GRHL2: variants seen among roughly 807,000 people sequenced by gnomAD.
The protein encoded by GRHL2 is grainyhead-like protein 2 homolog.
A neutral mutation model predicts 83.8 loss-of-function variants in GRHL2; 21 were observed. The ratio of observed to expected loss-of-function variants is 0.25; its 90% CI spans 0.18 to 0.36. GRHL2 has a LOEUF of 0.36. Among genes scored for constraint, GRHL2 ranks in the 10% least tolerant of loss-of-function variants. The probability of loss-of-function intolerance (pLI) is 1.00; values close to 1 mark genes in which losing one functional copy is unlikely to be tolerated. For synonymous variants in GRHL2, 280 were observed against 278.9 expected (o/e 1.00, Z -0.04); for missense variants, 623 against 781.8 (o/e 0.80, Z 2.42).
At chr8:101,626,906 G>A (rs1813093022) in intron 9 of GRHL2, among the ~76,000 whole-genome samples, 3 of 152,006 alleles carry the variant, frequency 2.0e-5, no homozygotes, top group African/African-American at 7.2e-5. Flanking sequence ...GCTTCCCGGG[G>A]TCACTGTGAA....
chr8:101,492,637 A>T lies in GRHL2; in HGVS notation c.-133A>T, dbSNP rs759310397. The T allele has an allele frequency of 1.2e-6, 1 of 800,970 alleles. No individual in the cohort carries two copies. The allele number at this position is 800,970 out of a possible 1,614,324, so 49.6% of individuals were successfully genotyped here. On this transcript the variant is annotated 5_prime_UTR_variant, in exon 1 of 16. The change creates a new upstream start codon in the 5' untranslated region. Coordinates refer to ENST00000646743, the MANE Select transcript of GRHL2 (RefSeq NM_024915.4). ...CGAGAGTGGTGAGGGGGGACGGAAA[A>T]GCAGAATTACCTGTAGCTCTTGTTC...
chr8:101,527,095 C>A (rs1158440580), intron 1 of GRHL2, among the ~76,000 whole-genome samples: 1 of 152,152 alleles, frequency 6.6e-6, no homozygotes, highest in Non-Finnish European at 1.5e-5. Flanking sequence ...GGGAATAAGG[C>A]ACATATATCT....
chr8:101,678,361 T>G, the GRHL2 span, among the ~76,000 whole-genome samples: 1 of 152,092 alleles, frequency 6.6e-6, no homozygotes, highest in African/African-American at 2.4e-5. Context: ...ACCCGAATAC[T>G]GCGCTTTTCC....
intron 7 of GRHL2, among the ~76,000 whole-genome samples, chr8:101,588,942 G>C (rs1262081406): frequency 3.3e-5 from 5 of 152,140 alleles, no homozygotes; most frequent in Admixed American, 2.6e-4. Context: ...AAGTGTTATA[G>C]TTTCTGGATA....
chr8:101,566,144 T>C (rs1811712285), intron 4 of GRHL2, among the ~76,000 whole-genome samples: 1 of 152,206 alleles, frequency 6.6e-6, no homozygotes, highest in Non-Finnish European at 1.5e-5. Context: ...ATTATGTTTA[T>C]CTTAAACATA....
At chr8:101,580,844 C>T (rs1366679860) in intron 7 of GRHL2, among the ~76,000 whole-genome samples, 1 of 152,116 alleles carries the variant, frequency 6.6e-6, no homozygotes, top group Non-Finnish European at 1.5e-5. Flanking sequence ...GCTGGGGCTA[C>T]AGGCACACGC....
chr8:101,677,440 C>A, the GRHL2 span, among the ~76,000 whole-genome samples: 1 of 152,012 alleles, frequency 6.6e-6, no homozygotes, highest in South Asian at 2.1e-4. Context: ...CGCCTACCTC[C>A]AAGATTGTAT....
chr8:101,648,741 T>C (rs916119186), intron 13 of GRHL2, among the ~76,000 whole-genome samples: 2 of 152,148 alleles, frequency 1.3e-5, no homozygotes, highest in African/African-American at 4.8e-5. Context: ...GCCTGGAGTT[T>C]GCTCTCCCTC....
intron 8 of GRHL2, among the ~76,000 whole-genome samples, chr8:101,614,715 A>G (rs1156843958): frequency 6.6e-6 from 1 of 152,216 alleles, no homozygotes; most frequent in Non-Finnish European, 1.5e-5. Flanking sequence ...GAGCTGAGAC[A>G]TGGTTGGGTT....
In GRHL2 at chr8:101,638,169, G is replaced by A. The variant is rs115155909; in HGVS notation, c.1517+1241G>A. ...TTAGATGTTTTTTCTTCAAACTACAGTCAAACCAGGGCTTCCCTATTCTTA... is the reference window on the plus strand; with the variant it reads ...TTAGATGTTTTTTCTTCAAACTACAATCAAACCAGGGCTTCCCTATTCTTA... On this transcript the variant is annotated intron_variant, in intron 12 of 15. Coordinates refer to ENST00000646743, the MANE Select transcript of GRHL2 (RefSeq NM_024915.4). 4.2e-3 allele frequency among the ~76,000 whole-genome samples: 639 copies of A among 152,206 alleles called. 4 individuals carry two copies. Among genetic ancestry groups the A allele is most frequent in the African/African-American group, 0.014 (594 of 41,524 alleles).
At chr8:101,604,927 G>A (rs976663036) in intron 8 of GRHL2, among the ~76,000 whole-genome samples, 1 of 152,192 alleles carries the variant, frequency 6.6e-6, no homozygotes, top group African/African-American at 2.4e-5. Context: ...TCTGCTTTCA[G>A]AAGCAGACTG....
At chr8:101,636,778 A>G (rs1765653294) in intron 11 of GRHL2, 119 bp from the exon 12 acceptor site, 1 of 800,874 alleles carries the variant, frequency 1.2e-6, no homozygotes, top group Non-Finnish European at 2.2e-6. Flanking sequence ...GTTATTAAAC[A>G]GATTAGTCTT....
chr8:101,550,087 T>G (rs1268945642), intron 2 of GRHL2, among the ~76,000 whole-genome samples: 2 of 151,760 alleles, frequency 1.3e-5, no homozygotes, highest in Admixed American at 6.6e-5. Context: ...TCAATGCCAG[T>G]GGAATTTCTT....
intron 1 of GRHL2, among the ~76,000 whole-genome samples, chr8:101,532,007 T>G (rs1474114789): frequency 6.6e-6 from 1 of 152,262 alleles, no homozygotes; most frequent in African/African-American, 2.4e-5. Flanking sequence ...TTGAATCTTC[T>G]CTTTCCCGAG....
At chr8:101,614,502 A>C (rs987028069) in intron 8 of GRHL2, among the ~76,000 whole-genome samples, 5 of 151,506 alleles carry the variant, frequency 3.3e-5, no homozygotes, top group African/African-American at 1.2e-4. Context: ...AGACAGATAG[A>C]TTGTTCACGG....
intron 1 of GRHL2, among the ~76,000 whole-genome samples, chr8:101,525,206 G>A (rs942853232): frequency 5.9e-5 from 9 of 152,152 alleles, no homozygotes; most frequent in African/African-American, 2.2e-4. Context: ...GCCTCCCAAA[G>A]TGCTGGAATT....
chr8:101,644,631 T>TA (rs1301958816), intron 13 of GRHL2, among the ~76,000 whole-genome samples: 1 of 152,232 alleles, frequency 6.6e-6, no homozygotes, highest in African/African-American at 2.4e-5. Flanking sequence ...CATCACCACT[T>TA]ACTCATTTTC....
chr8:101,574,418 A>C (rs1811891819), intron 6 of GRHL2, among the ~76,000 whole-genome samples: 1 of 152,234 alleles, frequency 6.6e-6, no homozygotes. Flanking sequence ...CGTACTTGCT[A>C]CTGCCAAGAA....
chr8:101,516,410 C>CTTTTTTTTTTTTTTTTTTTTTTTTT (rs33990862), intron 1 of GRHL2, among the ~76,000 whole-genome samples: 1 of 86,012 alleles, frequency 1.2e-5, no homozygotes, highest in Non-Finnish European at 2.2e-5. Flanking sequence ...ACCTCTTTTC[C>CTTTTTTTTTTTTTTTTTTTTTTTTT]TTTTTTTTTT....
Sources: allele counts gnomAD v4.1 joint callset (sites outside exome capture counted in the v4.1 genomes callset), GRCh38; gene constraint gnomAD v4.1.1; transcripts MANE v1.5; gene names NCBI Gene and HGNC (gene_info 2026-07-23, HGNC 2026-07-21).